Variants in FBN2 observed in about 807,000 individuals in gnomAD.
FBN2 encodes fibrillin-2.
FBN2 carries 105 observed loss-of-function variants against 355.6 expected under a neutral mutation model. That is an observed-to-expected ratio of 0.30 (90% CI 0.25 to 0.35). The LOEUF is 0.35. Among genes scored for constraint, FBN2 ranks in the 10% least tolerant of loss-of-function variants. The pLI is 1.00. For missense variants in FBN2, 3,280 were observed against 3,758.7 expected, an observed-to-expected ratio of 0.87 and a Z score of 3.33; for synonymous variants, 1,350 against 1,301.2, an observed-to-expected ratio of 1.04 and a Z score of -0.81.
At chr5:128,407,982 G>C (rs991030399) in intron 8 of FBN2, among the ~76,000 whole-genome samples, 1 of 152,142 alleles carries the variant, frequency 6.6e-6, no homozygotes, top group African/African-American at 2.4e-5. Flanking sequence ...AATCTTTAGT[G>C]CCAGTAAAGA....
intron 35 of FBN2, 97 bp from the exon 36 acceptor site, chr5:128,318,368 G>A (rs1312979274): frequency 1.7e-6 from 2 of 1,209,366 alleles, no homozygotes; most frequent in Admixed American, 3.4e-5. Flanking sequence ...CAAGTGAGTA[G>A]ATTAAAGATC....
At chr5:128,316,900 T>A (rs1379503674) in intron 36 of FBN2, among the ~76,000 whole-genome samples, 1 of 152,166 alleles carries the variant, frequency 6.6e-6, no homozygotes, top group African/African-American at 2.4e-5. Context: ...GTAACAGGCA[T>A]CAATATCTTT....
intron 62 of FBN2, among the ~76,000 whole-genome samples, chr5:128,268,051 T>G (rs940092416): frequency 6.6e-6 from 1 of 152,048 alleles, no homozygotes; most frequent in Non-Finnish European, 1.5e-5. Context: ...TTGAAAGAGA[T>G]AGAGACATGA....
intron 7 of FBN2, among the ~76,000 whole-genome samples, chr5:128,413,386 C>T (rs180736604): frequency 3.9e-5 from 6 of 152,074 alleles, no homozygotes; most frequent in East Asian, 1.9e-4. Flanking sequence ...ATGTGAAAAA[C>T]GGAGGCTAAG....
intron 6 of FBN2, among the ~76,000 whole-genome samples, chr5:128,447,864 G>A (rs191260415): frequency 9.2e-5 from 14 of 152,278 alleles, no homozygotes; most frequent in East Asian, 7.7e-4. Context: ...CCAACACTTA[G>A]GGAAATAGAA....
intron 16 of FBN2, among the ~76,000 whole-genome samples, chr5:128,368,465 T>TCCATATATATAC (rs1751839446): frequency 7.8e-6 from 1 of 128,214 alleles, no homozygotes. Context: ...CACATATATA[T>TCCATATATATAC]ACATATATAT....
intron 11 of FBN2, among the ~76,000 whole-genome samples, chr5:128,380,469 C>T (rs1752202052): frequency 6.6e-6 from 1 of 152,034 alleles, no homozygotes; most frequent in African/African-American, 2.4e-5. Context: ...CTGTTTTCTC[C>T]CCTGGAGAGT....
chr5:128,402,858 T>G (rs1561439193), intron 8 of FBN2, among the ~76,000 whole-genome samples: 1 of 152,220 alleles, frequency 6.6e-6, no homozygotes, highest in South Asian at 2.1e-4. Flanking sequence ...AATACTTTCA[T>G]GTTTACATTG....
intron 13 of FBN2, among the ~76,000 whole-genome samples, chr5:128,377,323 T>C (rs1017467878): frequency 1.2e-4 from 18 of 152,140 alleles, no homozygotes; most frequent in African/African-American, 4.3e-4. Flanking sequence ...TAGAGATTTG[T>C]GTACTGCATA....
intron 38 of FBN2, 96 bp from the exon 39 acceptor site, chr5:128,311,521 G>GA: frequency 7.6e-7 from 1 of 1,314,810 alleles, no homozygotes; most frequent in South Asian, 1.2e-5. Flanking sequence ...GTAAGAATCA[G>GA]ATTTCTATGC....
chr5:128,498,173 T>C lies in FBN2; in HGVS notation c.628+21100A>G, dbSNP rs142865349. ...ATTCAAACCCAAACCATTCTGAAGG[T>C]TGACACCATCAAAGTGATTCTTGCA... On this transcript the variant is annotated intron_variant, in intron 5 of 64. Transcript: ENST00000262464. Among the ~76,000 whole-genome samples, 27 of 152,304 alleles carry C rather than the reference T, an allele frequency of 1.8e-4. No individual in the cohort carries two copies. In the East Asian group the frequency reaches 3.9e-3, roughly 22 times the overall value.
chr5:128,384,449 T>C (rs1266055679), intron 11 of FBN2, among the ~76,000 whole-genome samples: 2 of 152,100 alleles, frequency 1.3e-5, no homozygotes, highest in African/African-American at 4.8e-5. Context: ...ATACAACTTA[T>C]TGTATGTCAA....
chr5:128,387,343 T>A (rs1752393932), intron 11 of FBN2, among the ~76,000 whole-genome samples: 1 of 152,112 alleles, frequency 6.6e-6, no homozygotes, highest in South Asian at 2.1e-4. Flanking sequence ...TTTATTTCCG[T>A]CTTCTCTCTT....
intron 5 of FBN2, among the ~76,000 whole-genome samples, chr5:128,471,536 G>A (rs189607055): frequency 3.9e-5 from 6 of 151,960 alleles, no homozygotes; most frequent in Non-Finnish European, 7.4e-5. Context: ...ATGTTTAAGA[G>A]AATCAAAGCC....
chr5:128,271,944 T>A (rs992099765), intron 62 of FBN2, 55 bp downstream of exon 62: 3 of 1,604,628 alleles, frequency 1.9e-6, no homozygotes, highest in Non-Finnish European at 2.6e-6. Context: ...TTCATCTTAT[T>A]CAGAGACACT....
chr5:128,434,610 T>C (rs1276276881), intron 7 of FBN2, among the ~76,000 whole-genome samples: 2 of 151,474 alleles, frequency 1.3e-5, no homozygotes, highest in African/African-American at 4.9e-5. Flanking sequence ...CTCTTCCTCC[T>C]ACCCTTCTTC....
At chr5:128,355,474 C>A (rs1283324271) in intron 20 of FBN2, among the ~76,000 whole-genome samples, 3 of 152,122 alleles carry the variant, frequency 2.0e-5, no homozygotes, top group Non-Finnish European at 2.9e-5. Context: ...AAAATAGATT[C>A]TAAATCTTTA....
chr5:128,474,128 A>G (rs1396505766), intron 5 of FBN2, among the ~76,000 whole-genome samples: 1 of 152,230 alleles, frequency 6.6e-6, no homozygotes, highest in East Asian at 1.9e-4. Context: ...GTGGTCCTCA[A>G]ATTCACAGCC....
chr5:128,506,965 T>C (rs1363315597), intron 5 of FBN2, among the ~76,000 whole-genome samples: 1 of 152,140 alleles, frequency 6.6e-6, no homozygotes, highest in East Asian at 1.9e-4. Flanking sequence ...CCTTTTACCA[T>C]ATTATTGATA....
Sources: gnomAD v4.1 joint callset for allele counts (sites outside exome capture counted in the v4.1 genomes callset) on GRCh38, gnomAD v4.1.1 for gene constraint, MANE v1.5 for transcripts, NCBI Gene and HGNC (gene_info 2026-07-23, HGNC 2026-07-21) for gene names.